Variants in SGCD observed in about 807,000 individuals in gnomAD.
SGCD encodes the protein delta-sarcoglycan.
Under a neutral mutation model 36.6 loss-of-function variants are expected in SGCD, and 18 were observed. The observed-to-expected ratio is 0.49, with a 90% confidence interval of 0.34 to 0.73. SGCD has a LOEUF of 0.73. SGCD is among the 30% of genes least tolerant of loss of function. The probability of loss-of-function intolerance (pLI) is 0.01; values close to 1 mark genes in which losing one functional copy is unlikely to be tolerated. For synonymous variants in SGCD, 133 were observed against 130.6 expected, an observed-to-expected ratio of 1.02 and a Z score of -0.12; for missense variants, 387 against 346.7, an observed-to-expected ratio of 1.12 and a Z score of -0.92.
At chr5:156,583,748 G>A (rs1161044104) in intron 4 of SGCD, among the ~76,000 whole-genome samples, 2 of 152,180 alleles carry the variant, frequency 1.3e-5, no homozygotes, top group Non-Finnish European at 2.9e-5. Flanking sequence ...ATTGGTACAA[G>A]AATAGATAAA....
intron 1 of SGCD, among the ~76,000 whole-genome samples, chr5:155,913,911 T>G (rs1270509803): frequency 1.3e-5 from 2 of 152,214 alleles, no homozygotes; most frequent in Non-Finnish European, 2.9e-5. Context: ...TTTATTAGTC[T>G]CATGAATATA....
At chr5:156,706,038 C>G (rs114490158) in intron 7 of SGCD, among the ~76,000 whole-genome samples, 1 of 151,892 alleles carries the variant, frequency 6.6e-6, no homozygotes. Flanking sequence ...AAATTTAAAC[C>G]CTTACTATTT....
intron 3 of SGCD, among the ~76,000 whole-genome samples, chr5:156,363,338 A>G (rs769222109): frequency 1.3e-5 from 2 of 152,198 alleles, no homozygotes; most frequent in African/African-American, 2.4e-5. Context: ...TAAGGGAGTC[A>G]GTGATTACCC....
At chr5:156,078,529 A>G (rs1760856153) in intron 1 of SGCD, among the ~76,000 whole-genome samples, 1 of 143,440 alleles carries the variant, frequency 7.0e-6, no homozygotes, top group Non-Finnish European at 1.5e-5. Context: ...AAATATATAT[A>G]TATATATATT....
Position 156,381,431 on chromosome 5 carries a change from T to G in SGCD, c.192+36754T>G, listed in dbSNP as rs77310224. Among the ~76,000 whole-genome samples, 71 of 152,108 alleles carry G rather than the reference T, an allele frequency of 4.7e-4. No homozygotes were observed. The East Asian group carries it at 0.012, about 26-fold the overall frequency. On this transcript the variant is annotated intron_variant, in intron 3 of 8. Transcript: ENST00000337851. ...TGGTCTTTTATACAGAATACGAATC[T>G]CGAGCTCTACCCTGGGGATGGTAGT...
chr5:156,332,180 G>A (rs1188793506), intron 2 of SGCD, among the ~76,000 whole-genome samples: 1 of 152,176 alleles, frequency 6.6e-6, no homozygotes, highest in African/African-American at 2.4e-5. Flanking sequence ...CCCCTCTGAT[G>A]TTACCAGGCT....
the SGCD span, among the ~76,000 whole-genome samples, chr5:155,743,278 T>C: frequency 6.6e-6 from 1 of 152,286 alleles, no homozygotes. Flanking sequence ...AAAGTCTCAT[T>C]AGAACAAAAG....
At chr5:156,041,652 A>T (rs764806343) in intron 1 of SGCD, among the ~76,000 whole-genome samples, 19 of 152,202 alleles carry the variant, frequency 1.2e-4, no homozygotes, top group Admixed American at 9.2e-4. Flanking sequence ...TGAAAGATAC[A>T]CACTTGAAGA....
At chr5:156,096,974 G>A (rs1393485836) in intron 1 of SGCD, among the ~76,000 whole-genome samples, 1 of 151,896 alleles carries the variant, frequency 6.6e-6, no homozygotes, top group African/African-American at 2.4e-5. Flanking sequence ...ACCTGATATA[G>A]AATTCATAGT....
intron 3 of SGCD, among the ~76,000 whole-genome samples, chr5:156,153,564 C>T (rs969805204): frequency 2.0e-5 from 3 of 151,564 alleles, no homozygotes; most frequent in East Asian, 1.9e-4. Context: ...TGAGAGCAGC[C>T]TAGTGGACTA....
In SGCD at chr5:156,344,691, T is replaced by C. The variant is rs1439899446; in HGVS notation, c.192+14T>C. On this transcript the variant is annotated intron_variant, in intron 3 of 8. Transcript: ENST00000337851. ...AACTTCACAATTGTAAGTAAAACCA[T>C]CTAGGTTTGTTTAGCTTTCTTCCGG... 1.3e-6 allele frequency: 2 copies of C among 1,583,002 alleles called. No homozygotes were observed. Among genetic ancestry groups the C allele is most frequent in the East Asian group, 4.6e-5 (2 of 43,240 alleles).
chr5:156,617,735 A>C (rs280463), intron 6 of SGCD, among the ~76,000 whole-genome samples: 48,332 of 151,954 alleles, frequency 0.32, 8,581 homozygotes, highest in African/African-American at 0.49. Context: ...ACCCAACAGC[A>C]CCCAGCCACC....
chr5:156,316,374 C>G (rs1185395234), intron 3 of SGCD, among the ~76,000 whole-genome samples: 3 of 151,942 alleles, frequency 2.0e-5, no homozygotes, highest in Middle Eastern at 6.8e-3. Flanking sequence ...GTCAAAATGT[C>G]CATATTACCC....
intron 3 of SGCD, among the ~76,000 whole-genome samples, chr5:156,130,941 C>T (rs1013356921): frequency 6.6e-6 from 1 of 152,132 alleles, no homozygotes; most frequent in Non-Finnish European, 1.5e-5. Flanking sequence ...GTTGGCCAGG[C>T]TGGTCTCAAA....
At chr5:156,496,663 G>A (rs1409420232) in intron 3 of SGCD, among the ~76,000 whole-genome samples, 2 of 152,128 alleles carry the variant, frequency 1.3e-5, no homozygotes, top group Admixed American at 1.3e-4. Context: ...AATAATAGGA[G>A]AATATAGCCA....
At chr5:156,562,326 T>C (rs1243039377) in intron 4 of SGCD, among the ~76,000 whole-genome samples, 1 of 152,138 alleles carries the variant, frequency 6.6e-6, no homozygotes, top group Non-Finnish European at 1.5e-5. Flanking sequence ...ATGGGTCTCT[T>C]GAGCAGTGGC....
chr5:156,156,445 A>G (rs1403019686), intron 3 of SGCD, among the ~76,000 whole-genome samples: 2 of 151,714 alleles, frequency 1.3e-5, no homozygotes, highest in South Asian at 2.1e-4. Flanking sequence ...CCTGACCAAC[A>G]TGGCAAAACC....
chr5:155,981,976 G>C (rs1317919497), intron 1 of SGCD, among the ~76,000 whole-genome samples: 1 of 152,140 alleles, frequency 6.6e-6, no homozygotes, highest in Non-Finnish European at 1.5e-5. Context: ...ACCAGGAAGG[G>C]AGGACCCTGA....
chr5:156,487,788 C>CAAAAAAAAAA (rs56006984), intron 3 of SGCD, among the ~76,000 whole-genome samples: 5 of 41,386 alleles, frequency 1.2e-4, no homozygotes, highest in African/African-American at 3.0e-4. Context: ...ACTCTGTCAC[C>CAAAAAAAAAA]AAAAAAAAAA....
Sources: allele counts gnomAD v4.1 joint callset (sites outside exome capture counted in the v4.1 genomes callset), GRCh38; gene constraint gnomAD v4.1.1; transcripts MANE v1.5; gene names NCBI Gene and HGNC (gene_info 2026-07-23, HGNC 2026-07-21).